Variants in AP2B1 observed in about 807,000 individuals in gnomAD.
AP2B1 encodes AP-2 complex subunit beta.
Under a neutral mutation model 102.0 loss-of-function variants are expected in AP2B1, and 23 were observed. The observed-to-expected ratio is 0.23, with a 90% CI of 0.16 to 0.32. The LOEUF is 0.32. AP2B1 is among the 10% of genes least tolerant of loss of function. The pLI, the probability that AP2B1 is intolerant of heterozygous loss-of-function variation, is 1.00. For synonymous variants in AP2B1, 381 were observed against 421.2 expected, an observed-to-expected ratio of 0.90 and a Z score of 1.17; for missense variants, 541 against 1,157.4, an observed-to-expected ratio of 0.47 and a Z score of 7.73.
intron 3 of AP2B1, among the ~76,000 whole-genome samples, chr17:35,602,563 A>G (rs35237539): frequency 0.22 from 33,967 of 152,160 alleles, 4,012 homozygotes; most frequent in East Asian, 0.34. Context: ...TAATTTTAGT[A>G]ATACATTTTA....
At chr17:35,720,337 A>G (rs75656806) in intron 21 of AP2B1, among the ~76,000 whole-genome samples, 425 of 151,894 alleles carry the variant, frequency 2.8e-3, no homozygotes, top group Non-Finnish European at 4.9e-3. Context: ...AATGATCCTT[A>G]CTGAAAAAGA....
At chr17:35,670,818 C>T (rs371493223) in intron 14 of AP2B1, 39 bp from the exon 15 acceptor site, 4 of 1,607,478 alleles carry the variant, frequency 2.5e-6, no homozygotes, top group African/African-American at 2.7e-5. Context: ...GCTAAATGAA[C>T]TCTACCTCTC....
At chr17:35,650,941 GGACACCTA>G in intron 13 of AP2B1, 152 bp downstream of exon 13, 11 of 830,124 alleles carry the variant, frequency 1.3e-5, no homozygotes, top group Non-Finnish European at 2.0e-5. Context: ...GTACATTTTT[GGACACCTA>G]CTACTATACA....
chr17:35,664,612 A>T (rs2075423997), intron 14 of AP2B1, among the ~76,000 whole-genome samples: 1 of 152,198 alleles, frequency 6.6e-6, no homozygotes, highest in Admixed American at 6.5e-5. Flanking sequence ...TACTGCCAGT[A>T]GCCATAAATT....
At position 35,709,293 on chromosome 17, in the gene AP2B1, G is replaced by C. The variant is rs1555586321; in HGVS notation, c.2524G>C (p.Glu842Gln). 1.2e-6 allele frequency: 2 copies of C among 1,613,952 alleles called. No homozygotes were observed. Among genetic ancestry groups the C allele is most frequent in the Non-Finnish European group, 1.7e-6 (2 of 1,179,914 alleles). The stretch of plus-strand genomic sequence containing the variant: ...CATCCCACTCAATGTGCTTTTTGTA[G>C]AAGATGGCAAAATGGGTAAGTACCT... ...CLIPLNVLFV[E>Q]DGKMERQVFL... The change falls in exon 19 of 22, where the codon GAA becomes CAA. Residue 842 changes from glutamate (E) to glutamine (Q), a missense_variant. Transcript: ENST00000610402.
intron 13 of AP2B1, among the ~76,000 whole-genome samples, chr17:35,654,915 T>C (rs1474880661): frequency 1.3e-5 from 2 of 152,168 alleles, no homozygotes; most frequent in Non-Finnish European, 2.9e-5. Context: ...CATATGTCAC[T>C]GGGCAGGCAG....
At chr17:35,705,405 C>A (rs953157550) in intron 18 of AP2B1, among the ~76,000 whole-genome samples, 1 of 152,140 alleles carries the variant, frequency 6.6e-6, no homozygotes, top group African/African-American at 2.4e-5. Context: ...TCTTTTTTAA[C>A]ATAATAGTAG....
chr17:35,588,868 A>C (rs1190784950), intron 1 of AP2B1: 1 of 152,246 alleles, frequency 6.6e-6, no homozygotes, highest in Non-Finnish European at 1.5e-5. Flanking sequence ...GTGTATGAAG[A>C]AACTCAAGGA....
chr17:35,604,167 G>C (rs549709760), intron 3 of AP2B1, among the ~76,000 whole-genome samples: 1 of 152,020 alleles, frequency 6.6e-6, no homozygotes, highest in African/African-American at 2.4e-5. Flanking sequence ...GTGTGCAGTG[G>C]CATGTTCGTG....
At chr17:35,723,526 C>A in intron 21 of AP2B1, 99 bp from the exon 22 acceptor site, 3 of 743,120 alleles carry the variant, frequency 4.0e-6, no homozygotes, top group Non-Finnish European at 7.4e-6. Flanking sequence ...AAGTTTCTCT[C>A]CCACTGTGTC....
chr17:35,639,572 C>A, intron 10 of AP2B1, 23 bp from the exon 11 acceptor site: 1 of 1,593,446 alleles, frequency 6.3e-7, no homozygotes, highest in South Asian at 1.1e-5. Flanking sequence ...CCTCAATAAC[C>A]ATAGTTCATT....
intron 3 of AP2B1, among the ~76,000 whole-genome samples, chr17:35,605,318 A>G (rs2073637997): frequency 6.7e-6 from 1 of 148,350 alleles, no homozygotes; most frequent in Non-Finnish European, 1.5e-5. Context: ...GTGTGATCTC[A>G]GCTCACCGCA....
At chr17:35,605,529 C>T (rs1352484641) in intron 3 of AP2B1, among the ~76,000 whole-genome samples, 176 bp from the exon 4 acceptor site, 2 of 152,216 alleles carry the variant, frequency 1.3e-5, no homozygotes, top group African/African-American at 2.4e-5. Flanking sequence ...GGATTATAGG[C>T]GTGAGCCACC....
chr17:35,627,802 T>A, intron 9 of AP2B1, 76 bp downstream of exon 9: 3 of 1,260,014 alleles, frequency 2.4e-6, no homozygotes, highest in Non-Finnish European at 2.2e-6. Context: ...TTAAAATAAT[T>A]TTTAAGTTTA....
At chr17:35,706,359 A>G (rs959637019) in intron 18 of AP2B1, among the ~76,000 whole-genome samples, 6 of 152,192 alleles carry the variant, frequency 3.9e-5, no homozygotes, top group African/African-American at 9.6e-5. Flanking sequence ...TTAGATAACA[A>G]TGTTCTAAAT....
chr17:35,699,610 A>G (rs1354911812), intron 18 of AP2B1, among the ~76,000 whole-genome samples: 1 of 152,198 alleles, frequency 6.6e-6, no homozygotes, highest in Non-Finnish European at 1.5e-5. Context: ...TTAGCACTGG[A>G]AGGAAAGTCA....
intron 2 of AP2B1, among the ~76,000 whole-genome samples, chr17:35,597,743 A>G (rs146644487): frequency 2.6e-5 from 4 of 152,292 alleles, no homozygotes; most frequent in East Asian, 1.9e-4. Flanking sequence ...GAACCTTTGC[A>G]TTCAAGAGTC....
intron 18 of AP2B1, among the ~76,000 whole-genome samples, chr17:35,699,990 C>T (rs1219637743): frequency 1.3e-5 from 2 of 151,848 alleles, no homozygotes; most frequent in East Asian, 1.9e-4. Flanking sequence ...CAGCTACTCA[C>T]GAGGCTGAGA....
At chr17:35,590,683 C>T (rs952797426) in intron 1 of AP2B1, among the ~76,000 whole-genome samples, 7 of 152,110 alleles carry the variant, frequency 4.6e-5, no homozygotes, top group African/African-American at 1.7e-4. Context: ...TCTAAAGATA[C>T]TTGACCCTCC....
Sources: allele counts gnomAD v4.1 joint callset (sites outside exome capture counted in the v4.1 genomes callset), GRCh38; gene constraint gnomAD v4.1.1; transcripts MANE v1.5; gene names NCBI Gene and HGNC (gene_info 2026-07-23, HGNC 2026-07-21).